IKBKB: variants seen among roughly 807,000 people sequenced by gnomAD.
IKBKB encodes the protein inhibitor of nuclear factor kappa B kinase subunit beta.
A neutral mutation model predicts 113.6 loss-of-function variants in IKBKB; 42 were observed. The observed-to-expected ratio is 0.37, with a 90% confidence interval of 0.29 to 0.48. The LOEUF (loss-of-function observed/expected upper bound fraction) is 0.48, where lower values mean the gene tolerates loss of function less well. Among genes scored for constraint, IKBKB ranks in the 20% least tolerant of loss-of-function variants. The pLI is 0.99. For synonymous variants in IKBKB, 296 were observed against 361.3 expected, an observed-to-expected ratio of 0.82 and a Z score of 2.05; for missense variants, 673 against 939.7, an observed-to-expected ratio of 0.72 and a Z score of 3.71.
chr8:42,316,847 A>G lies in IKBKB; in HGVS notation c.1068A>G (p.Glu356=). The G allele has an allele frequency of 6.2e-7, 1 of 1,614,136 alleles. No individual in the cohort carries two copies. The change falls in exon 11 of 22, where the codon GAA becomes GAG. Residue 356 remains glutamate (E), a synonymous_variant. Transcript: ENST00000520810. This position sits in a 1 kb window ranked among gnomAD's most constrained non-coding sequence, Gnocchi z 4.5. ...AGGAGGACCAGGAGCTGCTGCAGGA[A>G]GCGGGCCTGGCGTTGATCCCCGATA... is the stretch of plus-strand genomic sequence containing the variant. ...IPEEDQELLQ[E]AGLALIPDKP... is the part of the protein sequence containing the mutation.
rs899740764 is a variant in IKBKB, at chr8:42,325,257, G to C, written c.1987-713G>C. ...GGAGGGGCAGTGGCTGCAGCCCCTT[G>C]GGAGTCAGGGTGTCCTTGTTTCTTC... On this transcript the variant is annotated intron_variant, in intron 19 of 21. Transcript: ENST00000520810. 5 of 985,600 alleles carry C rather than the reference G, an allele frequency of 5.1e-6. No homozygotes were observed. The African/African-American group carries it at 8.7e-5, about 17-fold the overall frequency. The allele number at this position is 985,600 out of a possible 1,614,324, so 61.1% of individuals were successfully genotyped here. A position where few individuals can be genotyped will look rare whatever the true frequency, so the allele number is the denominator to read the frequency against.
intron 15 of IKBKB, 91 bp downstream of exon 15, chr8:42,319,737 C>A: frequency 1.8e-6 from 2 of 1,105,566 alleles, no homozygotes; most frequent in Non-Finnish European, 2.6e-6. Flanking sequence ...CTGGGTCGAT[C>A]TCTGTCAAAA....
intron 8 of IKBKB, among the ~76,000 whole-genome samples, chr8:42,312,691 T>C (rs1817940241): frequency 6.6e-6 from 1 of 152,202 alleles, no homozygotes; most frequent in Non-Finnish European, 1.5e-5. Flanking sequence ...CTTACATAAT[T>C]AGAAAGTCTT....
At position 42,320,863 on chromosome 8, in the gene IKBKB, G is replaced by T; in HGVS notation, c.1688+19G>T. On this transcript the variant is annotated intron_variant, in intron 16 of 21. Coordinates refer to ENST00000520810, the MANE Select transcript of IKBKB (RefSeq NM_001556.3). ...ACGACCTGTGAGTACTGGCTGGGGG[G>T]CCCCTCTGTGCCCAGCACACACAGA... 1 of 1,480,698 alleles carries T rather than the reference G, an allele frequency of 6.8e-7. No homozygotes were observed. Among genetic ancestry groups the T allele is most frequent in the Admixed American group, 1.9e-5 (1 of 52,202 alleles). 91.7% of individuals were successfully genotyped at this position (1,480,698 alleles called of 1,614,324 possible).
rs746300165 is a variant in IKBKB, at chr8:42,316,807, A to G, written c.1028A>G (p.Asp343Gly). Residue 343 changes from aspartate to glycine, a missense_variant, in exon 11 of 22, where the codon GAC becomes GGC. Physicochemically the swap from Asp to Gly is moderately conservative, Grantham distance 94 (BLOSUM62 -1). This residue lies in a region of IKBKB where 506 missense variants were observed against 638.7 expected (regional missense o/e 0.79). Transcript: ENST00000520810. The surrounding 1 kb of genome is among the most constrained non-coding windows in gnomAD (Gnocchi z 4.5). Reference sequence around the variant, plus strand: ...AGCTTGAAGGCCAGAATCCAACAGGACACGGGCATCCCAGAGGAGGACCAG... The same window carrying G: ...AGCTTGAAGGCCAGAATCCAACAGGGCACGGGCATCCCAGAGGAGGACCAG... Reference protein sequence around the residue: ...LQSLKARIQQDTGIPEEDQEL... With the variant: ...LQSLKARIQQGTGIPEEDQEL... The G allele has an allele frequency of 1.9e-6, 3 of 1,614,160 alleles. No homozygotes were observed. In the Admixed American group the frequency reaches 5.0e-5, roughly 27 times the overall value.
chr8:42,328,247 CTTTTT>C (rs59970761), intron 20 of IKBKB, among the ~76,000 whole-genome samples: 1 of 132,538 alleles, frequency 7.5e-6, no homozygotes, highest in African/African-American at 2.8e-5. Context: ...GCACCCGGCC[CTTTTT>C]TTTTTTTTTT....
intron 9 of IKBKB, among the ~76,000 whole-genome samples, chr8:42,314,864 A>G (rs2130621491): frequency 6.6e-6 from 1 of 152,318 alleles, no homozygotes; most frequent in Middle Eastern, 3.4e-3. Flanking sequence ...CCTGTGACTA[A>G]GAAATTAACA....
chr8:42,289,816 T>G (rs1260800408), intron 3 of IKBKB, among the ~76,000 whole-genome samples: 1 of 152,220 alleles, frequency 6.6e-6, no homozygotes, highest in Non-Finnish European at 1.5e-5. Context: ...GTTTGCCTGC[T>G]TGCGTGTGTG....
intron 15 of IKBKB, chr8:42,320,311 T>C (rs757723028): frequency 4.3e-4 from 76 of 177,088 alleles, no homozygotes; most frequent in Non-Finnish European, 6.4e-4. Flanking sequence ...CTCCCCATCT[T>C]GGGACTCATA....
At chr8:42,318,369 T>TA (rs1236110058) in intron 12 of IKBKB, among the ~76,000 whole-genome samples, 183 bp from the exon 13 acceptor site, 1 of 152,218 alleles carries the variant, frequency 6.6e-6, no homozygotes, top group Non-Finnish European at 1.5e-5. Flanking sequence ...TGACCACTGG[T>TA]ACATGCTGTT....
chr8:42,280,960 A>G (rs554774778), intron 2 of IKBKB, among the ~76,000 whole-genome samples: 2 of 152,232 alleles, frequency 1.3e-5, no homozygotes, highest in South Asian at 2.1e-4. Flanking sequence ...GAGCTCTGTC[A>G]GGGATACCAG....
intron 14 of IKBKB, 53 bp from the exon 15 acceptor site, chr8:42,319,532 T>C (rs1819372188): frequency 6.3e-7 from 1 of 1,580,484 alleles, no homozygotes; most frequent in Non-Finnish European, 8.6e-7. Flanking sequence ...GTTTCAGTTT[T>C]GTGGTGTTTT....
chr8:42,285,537 A>C (rs1585572335), intron 2 of IKBKB, among the ~76,000 whole-genome samples: 1 of 152,258 alleles, frequency 6.6e-6, no homozygotes. Flanking sequence ...CCTGGGCAAC[A>C]GAGTGAGACC....
In IKBKB at chr8:42,294,164, A is replaced by T. The variant is rs188625213; in HGVS notation, c.388+652A>T. Among the ~76,000 whole-genome samples, 1,185 of 152,196 alleles carry T rather than the reference A, an allele frequency of 7.8e-3. 7 individuals are homozygous for T. Among genetic ancestry groups the T allele is most frequent in the Non-Finnish European group, 7.6e-3 (518 of 67,988 alleles). On this transcript the variant is annotated intron_variant, in intron 5 of 21. Transcript: ENST00000520810. ...TTGCTCAGAGCTTTTTGTTTTTTTT[A>T]AAAAATAATCTCCAGGGTTGTTGGT...
At chr8:42,295,304 A>T (rs1193858779) in intron 5 of IKBKB, among the ~76,000 whole-genome samples, 1 of 151,970 alleles carries the variant, frequency 6.6e-6, no homozygotes, top group Non-Finnish European at 1.5e-5. Flanking sequence ...TTTTTAGTAG[A>T]GACAGGGTTT....
intron 4 of IKBKB, among the ~76,000 whole-genome samples, chr8:42,293,015 C>A (rs1812975213): frequency 6.6e-6 from 1 of 152,200 alleles, no homozygotes; most frequent in African/African-American, 2.4e-5. Context: ...TCTACTGTTA[C>A]CATCACCCAC....
At position 42,312,177 on chromosome 8, in the gene IKBKB, C is replaced by T. The variant is rs539852031; in HGVS notation, c.693-2145C>T. ...CTGGGATTACAGGCGTGAGCCACCGCGCCCGGCTGTAGTGGTTTTAACTAA... is the reference window on the plus strand; with the variant it reads ...CTGGGATTACAGGCGTGAGCCACCGTGCCCGGCTGTAGTGGTTTTAACTAA... On this transcript the variant is annotated intron_variant, in intron 8 of 21. Coordinates refer to ENST00000520810, the MANE Select transcript of IKBKB (RefSeq NM_001556.3). Among the ~76,000 whole-genome samples the T allele has an allele frequency of 7.2e-5, 11 of 152,350 alleles. No individual in the cohort carries two copies. In the South Asian group the frequency reaches 1.2e-3, roughly 17 times the overall value.
chr8:42,300,244 G>T (rs903366821), intron 5 of IKBKB, among the ~76,000 whole-genome samples: 1 of 152,136 alleles, frequency 6.6e-6, no homozygotes, highest in African/African-American at 2.4e-5. Context: ...ACATTGAAGT[G>T]GCTGGCACAG....
At chr8:42,282,890 G>C (rs1810649748) in intron 2 of IKBKB, among the ~76,000 whole-genome samples, 1 of 152,222 alleles carries the variant, frequency 6.6e-6, no homozygotes, top group South Asian at 2.1e-4. Flanking sequence ...GTTAGGAAAA[G>C]TTTAAGTATG....
Sources: gnomAD v4.1 joint callset for allele counts (sites outside exome capture counted in the v4.1 genomes callset) on GRCh38, gnomAD v4.1.1 for gene constraint, gnomAD v4.1.1 regional missense constraint, Gnocchi (gnomAD v3.1) non-coding constraint, MANE v1.5 for transcripts, NCBI Gene and HGNC (gene_info 2026-07-23, HGNC 2026-07-21) for gene names.